Variants in OPLAH observed in about 807,000 individuals in gnomAD.
OPLAH encodes the protein 5-oxoprolinase, ATP-hydrolysing, also known as 5-oxoprolinase.
In OPLAH, 103 loss-of-function variants were observed where a neutral mutation model predicts 122.8. The observed-to-expected ratio is 0.84, with a 90% CI of 0.71 to 0.99. The LOEUF is 0.99. OPLAH is among the 50% of genes least tolerant of loss of function. The pLI is 0.00. For synonymous variants in OPLAH, 875 were observed against 796.0 expected (o/e 1.10, Z -1.67); for missense variants, 1,902 against 1,836.5 (o/e 1.04, Z -0.65).
At position 144,052,452 on chromosome 8, in the gene OPLAH, G is replaced by T; in HGVS notation, c.3300C>A (p.Ser1100=). ...TGCGCCCACCCCGCCCCCGCACCTG[G>T]GAGGCGGCGCAGGCCCCAAAGGCCC... ...ILGAFGACAA[S]QGCMNNVTLG... is the part of the protein sequence containing the mutation. Residue 1100 remains serine (S), a synonymous_variant, in exon 23 of 27, where the codon TCC becomes TCA. Coordinates refer to ENST00000618853, the MANE Select transcript of OPLAH (RefSeq NM_017570.5). 1 of 1,536,714 alleles carries T rather than the reference G, an allele frequency of 6.5e-7. No homozygotes were observed.
At chr8:144,056,283 A>AGC in intron 14 of OPLAH, 24 bp from the exon 15 acceptor site, 1 of 1,602,980 alleles carries the variant, frequency 6.2e-7, no homozygotes, top group Non-Finnish European at 8.5e-7. Flanking sequence ...GGGTGAGTAC[A>AGC]GCGCCCGGGC....
At position 144,058,583 on chromosome 8, in the gene OPLAH, C is replaced by T. The variant is rs782694540; in HGVS notation, c.696G>A (p.Gly232=). 3.7e-6 allele frequency: 6 copies of T among 1,602,406 alleles called. No homozygotes were observed. The highest frequency in any genetic ancestry group is 1.1e-5 in the South Asian group (1 of 90,984). The part of the protein sequence containing the change: ...AMPMVRIVPR[G]HTACADAYLT... Reference sequence around the variant, plus strand: ...GGTAGGCGTCGGCACAGGCCGTGTGCCCCCGAGGGACGATGCGCACCATGG... The same window carrying T: ...GGTAGGCGTCGGCACAGGCCGTGTGTCCCCGAGGGACGATGCGCACCATGG... Residue 232 remains glycine (G), a synonymous_variant, in exon 6 of 27, where the codon GGG becomes GGA. Coordinates refer to ENST00000618853, the MANE Select transcript of OPLAH (RefSeq NM_017570.5).
In OPLAH at chr8:144,060,012, G is replaced by T; in HGVS notation, c.21C>A (p.Arg7=). Residue 7 remains arginine (R), a synonymous_variant, in exon 2 of 27, where the codon CGC becomes CGA. Coordinates refer to ENST00000618853, the MANE Select transcript of OPLAH (RefSeq NM_017570.5). ...CCCCACGGTCGATGGCAAAGTGGAA[G>T]CGGCCCTCGGGGCTGCCCATGGTGG... is the stretch of plus-strand genomic sequence containing the variant. MGSPEG[R]FHFAIDRGGT... The T allele has an allele frequency of 6.2e-7, 1 of 1,612,480 alleles. No individual in the cohort carries two copies. The highest frequency in any genetic ancestry group is 8.5e-7 in the Non-Finnish European group (1 of 1,179,730).
At chr8:144,060,393 C>T (rs1401121595) in intron 1 of OPLAH, among the ~76,000 whole-genome samples, 1 of 152,216 alleles carries the variant, frequency 6.6e-6, no homozygotes, top group Non-Finnish European at 1.5e-5. Context: ...CGGGGTCCCT[C>T]AGCACGAAAG....
At chr8:144,060,120 C>T (rs1344193306) in intron 1 of OPLAH, 35 bp from the exon 2 acceptor site, 6 of 1,426,270 alleles carry the variant, frequency 4.2e-6, no homozygotes, top group African/African-American at 2.9e-5. Context: ...GGCTCACCTG[C>T]GAGTGGGACT....
At chr8:144,051,140 C>T (rs1835362521), downstream of OPLAH, 2 of 1,414,860 alleles carry the variant, frequency 1.4e-6, no homozygotes, top group African/African-American at 1.5e-5. Context: ...CGTTCAGTAC[C>T]GCCCTGGAGG....
At chr8:144,063,488 G>T (rs1395842529), upstream of OPLAH, among the ~76,000 whole-genome samples, 1 of 152,222 alleles carries the variant, frequency 6.6e-6, no homozygotes, top group Non-Finnish European at 1.5e-5. This position sits in a 1 kb window ranked among gnomAD's most constrained non-coding sequence, Gnocchi z 4.2. Context: ...GCCTGGCACA[G>T]GCTGTTCCCT....
chr8:144,058,431 G>T (rs1554759993), intron 6 of OPLAH, 27 bp from the exon 7 acceptor site: 1 of 1,585,894 alleles, frequency 6.3e-7, no homozygotes, highest in Non-Finnish European at 8.5e-7. Flanking sequence ...GGCGGGCCAT[G>T]AGGGGCAGGC....
In OPLAH at chr8:144,057,846, T is replaced by C; in HGVS notation, c.1156+10A>G. ...GGGCAAGGCCAGGCCGGCCAGATCC[T>C]GACTCTTACCTTTGCGGTAGCAGGC... On this transcript the variant is annotated intron_variant, in intron 9 of 26. Transcript: ENST00000618853. The C allele has an allele frequency of 6.2e-7, 1 of 1,610,162 alleles. No individual in the cohort carries two copies. The highest frequency in any genetic ancestry group is 1.1e-5 in the South Asian group (1 of 90,850).
chr8:144,051,501 G>A (rs1554757653), intron 26 of OPLAH, 29 bp from the exon 27 acceptor site: 2 of 1,436,388 alleles, frequency 1.4e-6, no homozygotes, highest in Non-Finnish European at 1.8e-6. Context: ...GCGGGGAGGC[G>A]GGCTCAGTGC....
At position 144,055,861 on chromosome 8, in the gene OPLAH, G is replaced by C; in HGVS notation, c.2175C>G (p.Val725=). The C allele has an allele frequency of 6.3e-7, 1 of 1,579,552 alleles. No homozygotes were observed. The highest frequency in any genetic ancestry group is 1.3e-5 in the African/African-American group (1 of 74,232). The part of the protein sequence containing the change: ...GDICISVGAE[V]PGTVGPQLDP... Reference sequence around the variant, plus strand: ...CCAGCTGGGGGCCCACTGTGCCGGGGACTTCGGCCCCCACGGAGATGCAGA... The same window carrying C: ...CCAGCTGGGGGCCCACTGTGCCGGGCACTTCGGCCCCCACGGAGATGCAGA... The change falls in exon 16 of 27, where the codon GTC becomes GTG. Residue 725 remains valine (V), a synonymous_variant. Coordinates refer to ENST00000618853, the MANE Select transcript of OPLAH (RefSeq NM_017570.5). This position sits in a 1 kb window ranked among gnomAD's most constrained non-coding sequence, Gnocchi z 6.5.
In OPLAH at chr8:144,057,129, G is replaced by A; in HGVS notation, c.1536-11C>T. On this transcript the variant is annotated splice_polypyrimidine_tract_variant and intron_variant, in intron 11 of 26. Transcript: ENST00000618853. The stretch of plus-strand genomic sequence containing the variant: ...AGCAGCCCACTGTGCCTGCAGGGAT[G>A]GGCAGCATGGCAATGGGAGGTCACC... 6.3e-7 allele frequency: 1 copy of A among 1,594,498 alleles called. No homozygotes were observed. Among genetic ancestry groups the A allele is most frequent in the African/African-American group, 1.3e-5 (1 of 74,750 alleles).
rs573489994 is a variant in OPLAH at position 144,058,110 on chromosome 8, C to G, written c.988G>C (p.Glu330Gln). Residue 330 changes from glutamate to glutamine, a missense_variant, in exon 8 of 27, where the codon GAG (glutamate) becomes CAG (glutamine). Around this residue, in one of 3 missense-constraint regions of OPLAH, gnomAD observed 1,726 missense variants for 1,642.1 expected, o/e 1.05. Transcript: ENST00000618853. Reference protein sequence around the residue: ...TDVSRYAGEFEHVFEASTAGV... With the variant: ...TDVSRYAGEFQHVFEASTAGV... ...GCTGTGCTGGCCTCGAAGACGTGCT[C>G]GAATTCCCCAGCATAGCGGCTCACA... is the stretch of plus-strand genomic sequence containing the variant. 1.9e-6 allele frequency: 3 copies of G among 1,612,502 alleles called. No homozygotes were observed. The highest frequency in any genetic ancestry group is 1.3e-5 in the African/African-American group (1 of 75,024).
At chr8:144,056,362 C>G (rs1554759068) in intron 14 of OPLAH, 23 bp downstream of exon 14, 2 of 1,597,056 alleles carry the variant, frequency 1.3e-6, no homozygotes, top group Admixed American at 3.4e-5. Context: ...TGCTGTCAGG[C>G]TGGCACAGGC....
intron 1 of OPLAH, among the ~76,000 whole-genome samples, 186 bp downstream of exon 1, chr8:144,060,467 G>T (rs554947702): frequency 6.6e-6 from 1 of 152,226 alleles, no homozygotes; most frequent in Non-Finnish European, 1.5e-5. Flanking sequence ...TTCCCGCTTT[G>T]CTCGACCTTC....
chr8:144,050,621 G>A, downstream of OPLAH: 1 of 985,640 alleles, frequency 1.0e-6, no homozygotes, highest in Non-Finnish European at 1.2e-6. Flanking sequence ...AGCAGCCCTG[G>A]GCCCTGGGTA....
rs1835602644 is a variant in OPLAH at position 144,058,999 on chromosome 8, G to A, written c.444C>T (p.Gly148=). The change falls in exon 4 of 27, where the codon GGC becomes GGT. Residue 148 remains glycine (G), a synonymous_variant. Coordinates refer to ENST00000618853, the MANE Select transcript of OPLAH (RefSeq NM_017570.5). ...ACACACCTTTCACAGGCGTCCCGGT[G>A]CCCGCCTCTCCACGGTGCAGCACCA... ...ERVVLHRGEA[G]TGTPVKGRTG... 1 of 1,567,814 alleles carries A rather than the reference G, an allele frequency of 6.4e-7. No individual in the cohort carries two copies.
At chr8:144,058,746 C>G in intron 5 of OPLAH, 27 bp downstream of exon 5, 1 of 1,583,228 alleles carries the variant, frequency 6.3e-7, no homozygotes, top group Non-Finnish European at 8.6e-7. Flanking sequence ...CACCTGCTCC[C>G]GCAGCCCACA....
upstream of OPLAH, among the ~76,000 whole-genome samples, chr8:144,061,129 C>T (rs1835656096): frequency 6.6e-6 from 1 of 152,352 alleles, no homozygotes; most frequent in South Asian, 2.1e-4. Context: ...CCTTCTTCAC[C>T]GGGTCTCCCT....
Sources: gnomAD v4.1 joint callset for allele counts (sites outside exome capture counted in the v4.1 genomes callset) on GRCh38, gnomAD v4.1.1 for gene constraint, gnomAD v4.1.1 regional missense constraint, Gnocchi (gnomAD v3.1) non-coding constraint, MANE v1.5 for transcripts, NCBI Gene and HGNC (gene_info 2026-07-23, HGNC 2026-07-21) for gene names.